TLE4: variants seen among roughly 807,000 people sequenced by gnomAD.
The protein encoded by TLE4 is transducin-like enhancer protein 4.
TLE4 carries 8 observed loss-of-function variants against 92.8 expected under a neutral mutation model. That is an observed-to-expected ratio of 0.09 (90% CI 0.05 to 0.16). TLE4 has a LOEUF of 0.16. TLE4 is among the 10% of genes least tolerant of loss of function. The probability of loss-of-function intolerance (pLI) is 1.00; values close to 1 mark genes in which losing one functional copy is unlikely to be tolerated. For missense variants in TLE4, 675 were observed against 997.6 expected, an observed-to-expected ratio of 0.68 and a Z score of 4.36; for synonymous variants, 371 against 374.1, an observed-to-expected ratio of 0.99 and a Z score of 0.10.
At chr9:79,650,038 C>T (rs1303394379) in intron 6 of TLE4, among the ~76,000 whole-genome samples, 1 of 151,872 alleles carries the variant, frequency 6.6e-6, no homozygotes, top group Non-Finnish European at 1.5e-5. Context: ...ACCTCAGCCT[C>T]CTGAGTAGCT....
chr9:79,720,533 C>T (rs2075447505), intron 16 of TLE4, among the ~76,000 whole-genome samples: 1 of 152,014 alleles, frequency 6.6e-6, no homozygotes, highest in Non-Finnish European at 1.5e-5. Context: ...ACTTGAACTT[C>T]ATAAAATGAG....
chr9:79,690,546 G>A (rs1284256242), intron 8 of TLE4, among the ~76,000 whole-genome samples: 1 of 151,862 alleles, frequency 6.6e-6, no homozygotes, highest in Non-Finnish European at 1.5e-5. Flanking sequence ...CTGTTCACAC[G>A]CATCTTGCAG....
At chr9:79,581,670 A>C (rs186034369) in intron 4 of TLE4, among the ~76,000 whole-genome samples, 1 of 152,226 alleles carries the variant, frequency 6.6e-6, no homozygotes, top group Non-Finnish European at 1.5e-5. Flanking sequence ...TCAGCTCTGC[A>C]CAAGGTGATA....
intron 8 of TLE4, among the ~76,000 whole-genome samples, chr9:79,685,273 G>C (rs1273047466): frequency 6.6e-6 from 1 of 152,072 alleles, no homozygotes; most frequent in East Asian, 1.9e-4. Context: ...TAGTTTGTTT[G>C]AAAACATGCC....
At chr9:79,653,902 ATAAT>A (rs1261441434) in intron 7 of TLE4, among the ~76,000 whole-genome samples, 153 bp from the exon 8 acceptor site, 2 of 152,248 alleles carry the variant, frequency 1.3e-5, no homozygotes, top group African/African-American at 4.8e-5. Flanking sequence ...TGCAGTATTA[ATAAT>A]TAATTTTACA....
chr9:79,643,648 G>A (rs1386129295), intron 6 of TLE4, among the ~76,000 whole-genome samples: 1 of 152,054 alleles, frequency 6.6e-6, no homozygotes, highest in Non-Finnish European at 1.5e-5. Flanking sequence ...TTAGATTTCG[G>A]TTAAGTGTTT....
intron 18 of TLE4, 94 bp from the exon 19 acceptor site, chr9:79,722,865 G>A: frequency 8.3e-7 from 1 of 1,204,802 alleles, no homozygotes. Flanking sequence ...AAATGGATGA[G>A]TTTTCTGTTA....
At chr9:79,650,560 C>T (rs1011665662) in intron 6 of TLE4, among the ~76,000 whole-genome samples, 6 of 152,156 alleles carry the variant, frequency 3.9e-5, no homozygotes, top group Non-Finnish European at 7.3e-5. Context: ...TTATTTTCTG[C>T]ACTGTTAGGA....
In TLE4 at chr9:79,652,778, C is replaced by T. The variant is rs754701638; in HGVS notation, c.576C>T (p.Asp192=). 26 of 1,614,002 alleles carry T rather than the reference C, an allele frequency of 1.6e-5. No homozygotes were observed. Among genetic ancestry groups the T allele is most frequent in the Non-Finnish European group, 2.2e-5 (26 of 1,180,014 alleles). Residue 192 remains aspartate (D), a synonymous_variant, in exon 7 of 20, where the codon GAC becomes GAT. Transcript: ENST00000376552. ...TTAAAGATGAGAAGAAGCACCATGA[C>T]AATGATCACCAAAGAGGTGAGTAAC... ...LPIKDEKKHH[D]NDHQRDRDSI...
chr9:79,712,084 A>T (rs1203413705), intron 14 of TLE4, among the ~76,000 whole-genome samples: 3 of 152,194 alleles, frequency 2.0e-5, no homozygotes, highest in African/African-American at 7.2e-5. Context: ...GAAGGATGTG[A>T]AGATAGGAAG....
At chr9:79,697,948 T>C (rs903423604) in intron 8 of TLE4, among the ~76,000 whole-genome samples, 5 of 152,220 alleles carry the variant, frequency 3.3e-5, no homozygotes, top group Non-Finnish European at 5.9e-5. Flanking sequence ...TTTCATGTGT[T>C]TCTGTACTTA....
intron 6 of TLE4, among the ~76,000 whole-genome samples, chr9:79,634,089 A>G (rs1022349853): frequency 3.9e-5 from 6 of 152,170 alleles, no homozygotes; most frequent in Non-Finnish European, 7.3e-5. Flanking sequence ...TTATTTAATG[A>G]TTATGTCCAT....
At chr9:79,708,890 G>A (rs2072466383) in intron 13 of TLE4, 104 bp downstream of exon 13, 1 of 1,376,860 alleles carries the variant, frequency 7.3e-7, no homozygotes, top group African/African-American at 1.4e-5. Context: ...GGAGTGCAGT[G>A]GCATGATCTT....
intron 4 of TLE4, among the ~76,000 whole-genome samples, chr9:79,603,099 A>G (rs917950106): frequency 2.0e-5 from 3 of 152,296 alleles, no homozygotes; most frequent in African/African-American, 7.2e-5. Context: ...GAGCAAAGAA[A>G]GTAGTTTCTT....
intron 8 of TLE4, among the ~76,000 whole-genome samples, chr9:79,701,734 C>T (rs2069952500): frequency 6.6e-6 from 1 of 152,134 alleles, no homozygotes; most frequent in African/African-American, 2.4e-5. Flanking sequence ...TAGTGATGCT[C>T]AGAAAAGGAA....
chr9:79,682,487 G>A (rs193125546), intron 8 of TLE4, among the ~76,000 whole-genome samples: 6 of 152,130 alleles, frequency 3.9e-5, no homozygotes, highest in South Asian at 2.1e-4. Context: ...GAGGCAAAGC[G>A]GTCAAAAACC....
chr9:79,612,810 C>G, intron 5 of TLE4, 92 bp downstream of exon 5: 2 of 1,067,382 alleles, frequency 1.9e-6, no homozygotes, highest in Admixed American at 1.8e-5. Flanking sequence ...CTGGCCTTGC[C>G]AGTCTCTTGG....
rs780454876 is a variant in TLE4 at position 79,708,616 on chromosome 9, G to A, written c.1093G>A (p.Ala365Thr). ...PLASSLRTPMAVPCPYPTPFG... is the reference protein window; with the variant it reads ...PLASSLRTPMTVPCPYPTPFG... ...AGCCTCAAGCCTAAGGACCCCAATGGCAGTACCTTGTCCATATCCAACTCC... is the reference window on the plus strand; with the variant it reads ...AGCCTCAAGCCTAAGGACCCCAATGACAGTACCTTGTCCATATCCAACTCC... Residue 365 changes from alanine (A) to threonine (T), a missense_variant, in exon 13 of 20, where the codon GCA becomes ACA. Ala to Thr is a moderately conservative substitution (Grantham distance 58). Transcript: ENST00000376552. The A allele has an allele frequency of 3.7e-6, 6 of 1,613,738 alleles. No homozygotes were observed. Among genetic ancestry groups the A allele is most frequent in the Non-Finnish European group, 5.1e-6 (6 of 1,179,978 alleles).
chr9:79,572,807 G>A lies in TLE4; in HGVS notation c.17G>A (p.Ser6Asn). The change falls in exon 1 of 20, where the codon AGC becomes AAC. Residue 6 changes from serine (S) to asparagine (N), a missense_variant. Physicochemically the swap from Ser to Asn is conservative, Grantham distance 46 (BLOSUM62 1). Around this residue, in one of 5 missense-constraint regions of TLE4, gnomAD observed 38 missense variants for 33.5 expected, o/e 1.14. Coordinates refer to ENST00000376552, the MANE Select transcript of TLE4 (RefSeq NM_007005.6). The stretch of plus-strand genomic sequence containing the variant: ...TCGGCTTGGATGATTCGCGACCTGA[G>A]CAAGATGTACCCGCAGACCAGACAC... MIRDLSKMYPQTRHPA... is the reference protein window; with the variant it reads MIRDLNKMYPQTRHPA... 3 of 1,601,302 alleles carry A rather than the reference G, an allele frequency of 1.9e-6. No individual in the cohort carries two copies. Among genetic ancestry groups the A allele is most frequent in the East Asian group, 4.6e-5 (2 of 43,744 alleles).
Sources: allele counts gnomAD v4.1 joint callset (sites outside exome capture counted in the v4.1 genomes callset), GRCh38; gene constraint gnomAD v4.1.1; regional missense constraint gnomAD v4.1.1; transcripts MANE v1.5; gene names NCBI Gene and HGNC (gene_info 2026-07-23, HGNC 2026-07-21).